The following NAV3 variants were observed in gnomAD, a reference collection of about 807,000 sequenced individuals.
NAV3 encodes the protein neuron navigator 3, also known as pore membrane and/or filament interacting like protein 1.
NAV3 carries 87 observed loss-of-function variants against 244.7 expected under a neutral mutation model. The ratio of observed to expected loss-of-function variants is 0.36; its 90% CI spans 0.30 to 0.42. The LOEUF (loss-of-function observed/expected upper bound fraction) is 0.42. Among genes scored for constraint, NAV3 ranks in the 20% least tolerant of loss-of-function variants. The pLI, the probability that NAV3 is intolerant of heterozygous loss-of-function variation, is 1.00. For synonymous variants in NAV3, 1,126 were observed against 1,042.2 expected (o/e 1.08, Z -1.55); for missense variants, 2,663 against 2,893.3 (o/e 0.92, Z 1.83).
intron 2 of NAV3, among the ~76,000 whole-genome samples, chr12:77,595,138 A>G (rs1371278388): frequency 6.6e-6 from 1 of 152,192 alleles, no homozygotes; most frequent in Non-Finnish European, 1.5e-5. Context: ...CACAATAGCC[A>G]AGATATGGAA....
chr12:78,169,071 G>A (rs539206651), intron 24 of NAV3, among the ~76,000 whole-genome samples: 1 of 151,790 alleles, frequency 6.6e-6, no homozygotes, highest in Non-Finnish European at 1.5e-5. Flanking sequence ...TTTTAGAACA[G>A]TGACTTCCAT....
At chr12:77,921,731 A>G (rs1055471249) in intron 1 of NAV3, among the ~76,000 whole-genome samples, 1 of 152,134 alleles carries the variant, frequency 6.6e-6, no homozygotes, top group African/African-American at 2.4e-5. Flanking sequence ...AACACCTTGA[A>G]AAATTTTAGT....
chr12:78,095,390 G>A (rs1954197624), intron 12 of NAV3, among the ~76,000 whole-genome samples: 1 of 152,086 alleles, frequency 6.6e-6, no homozygotes, highest in Non-Finnish European at 1.5e-5. Flanking sequence ...CAATTAAAGT[G>A]CAAACATATT....
chr12:77,600,247 C>A (rs1043937513), intron 2 of NAV3, among the ~76,000 whole-genome samples: 1 of 151,922 alleles, frequency 6.6e-6, no homozygotes, highest in Non-Finnish European at 1.5e-5. Context: ...TACAGCATAT[C>A]TTTGGCATTC....
chr12:77,912,614 G>T (rs1417144076), intron 1 of NAV3, among the ~76,000 whole-genome samples: 1 of 150,446 alleles, frequency 6.6e-6, no homozygotes, highest in African/African-American at 2.4e-5. Context: ...TTGTAGTTTT[G>T]TGGGGGTTTT....
At position 78,050,999 on chromosome 12, in the gene NAV3, G is replaced by C. The variant is rs767017366; in HGVS notation, c.2368G>C (p.Val790Leu). 6.8e-6 allele frequency: 11 copies of C among 1,614,138 alleles called. No individual in the cohort carries two copies. Among genetic ancestry groups the C allele is most frequent in the Admixed American group, 5.0e-5 (3 of 60,018 alleles). ...MYTTPLRRAA[V>L]SRLGNMSQID... ...TACCACGCCTCTCCGTCGAGCTGCT[G>C]TCTCTAGGCTGGGAAACATGTCACA... The change falls in exon 11 of 40, where the codon GTC (valine) becomes CTC (leucine). Residue 790 changes from valine (V) to leucine (L), a missense_variant. By Grantham distance (32) the Val-to-Leu change is conservative. Around this residue, in one of 6 missense-constraint regions of NAV3, gnomAD observed 1,521 missense variants for 1,497.0 expected, o/e 1.02. Transcript: ENST00000397909.
chr12:77,901,392 A>G (rs948536257), intron 1 of NAV3, among the ~76,000 whole-genome samples: 5 of 152,100 alleles, frequency 3.3e-5, no homozygotes, highest in African/African-American at 1.2e-4. Context: ...CCTTGAGTTG[A>G]TTTTTGTATA....
intron 2 of NAV3, among the ~76,000 whole-genome samples, chr12:77,696,020 A>G (rs951389440): frequency 1.3e-5 from 2 of 152,158 alleles, no homozygotes; most frequent in African/African-American, 2.4e-5. Context: ...GGTAGGAATA[A>G]CACTACATCA....
At chr12:77,911,675 A>G (rs1241667589) in intron 1 of NAV3, among the ~76,000 whole-genome samples, 1 of 152,178 alleles carries the variant, frequency 6.6e-6, no homozygotes, top group African/African-American at 2.4e-5. Flanking sequence ...ACCAAAACTC[A>G]GTCTTCTGAA....
intron 2 of NAV3, among the ~76,000 whole-genome samples, chr12:77,796,197 A>T (rs1313828629): frequency 2.0e-5 from 3 of 152,196 alleles, no homozygotes; most frequent in Non-Finnish European, 2.9e-5. Context: ...AACATTTATG[A>T]TTCATGGGAG....
intron 2 of NAV3, among the ~76,000 whole-genome samples, chr12:77,713,229 G>C (rs1048690352): frequency 6.6e-6 from 1 of 152,168 alleles, no homozygotes; most frequent in Non-Finnish European, 1.5e-5. Context: ...GAGAGAGTTT[G>C]ATGTATATGT....
chr12:77,878,306 A>G (rs1882126660), intron 1 of NAV3, among the ~76,000 whole-genome samples: 1 of 152,028 alleles, frequency 6.6e-6, no homozygotes, highest in Non-Finnish European at 1.5e-5. Flanking sequence ...GTTCACTGCA[A>G]CCTCCACCTC....
At chr12:77,905,335 A>G (rs1279977989) in intron 1 of NAV3, among the ~76,000 whole-genome samples, 3 of 152,068 alleles carry the variant, frequency 2.0e-5, no homozygotes, top group Non-Finnish European at 4.4e-5. Flanking sequence ...TCAGTGATTC[A>G]TTTTGTTTGA....
intron 5 of NAV3, among the ~76,000 whole-genome samples, chr12:77,982,223 A>G (rs1869707874): frequency 1.6e-5 from 1 of 64,122 alleles, no homozygotes; most frequent in Admixed American, 1.9e-4. Context: ...GGCTTAATGA[A>G]AGATGATTTG....
chr12:77,657,565 A>C (rs373516497), intron 2 of NAV3, among the ~76,000 whole-genome samples: 1,849 of 152,136 alleles, frequency 0.012, 41 homozygotes, highest in African/African-American at 0.036. Flanking sequence ...TGAAACTATT[A>C]CAATCAATAG....
intron 12 of NAV3, among the ~76,000 whole-genome samples, chr12:78,064,426 T>TCTGTCTGTCTGCCTGCCTGCCTGC (rs66686266): frequency 2.2e-5 from 3 of 136,292 alleles, no homozygotes; most frequent in East Asian, 4.4e-4. Flanking sequence ...TGTCTGTCTG[T>TCTGTCTGTCTGCCTGCCTGCCTGC]CTGCCTGCCT....
At chr12:78,200,675 G>A (rs1258565472) in intron 38 of NAV3, 84 bp downstream of exon 38, 5 of 706,428 alleles carry the variant, frequency 7.1e-6, no homozygotes, top group Non-Finnish European at 1.1e-5. Flanking sequence ...AAAATATCTG[G>A]GTATTTATGC....
At chr12:77,682,631 G>T (rs2137120609) in intron 2 of NAV3, among the ~76,000 whole-genome samples, 1 of 152,196 alleles carries the variant, frequency 6.6e-6, no homozygotes, top group Middle Eastern at 3.4e-3. Flanking sequence ...CATGTGCAAA[G>T]GTTCTCTTTT....
chr12:78,068,901 G>T (rs1952614945), intron 12 of NAV3, among the ~76,000 whole-genome samples: 1 of 151,052 alleles, frequency 6.6e-6, no homozygotes, highest in South Asian at 2.1e-4. Context: ...TAATTAAATG[G>T]TTAATTTTAT....
Sources: allele counts gnomAD v4.1 joint callset (sites outside exome capture counted in the v4.1 genomes callset), GRCh38; gene constraint gnomAD v4.1.1; regional missense constraint gnomAD v4.1.1; transcripts MANE v1.5; gene names NCBI Gene and HGNC (gene_info 2026-07-23, HGNC 2026-07-21).